Variants in SPMIP2 observed in about 807,000 individuals in gnomAD.
The protein encoded by SPMIP2 is sperm microtubule inner protein 2.
the SPMIP2 span, among the ~76,000 whole-genome samples, chr4:158,921,499 C>T: frequency 2.0e-5 from 3 of 151,862 alleles, no homozygotes; most frequent in Non-Finnish European, 2.9e-5. Context: ...TAGCACCTCC[C>T]ACTTCGCTCT....
chr4:158,928,593 G>T, the SPMIP2 span, among the ~76,000 whole-genome samples: 19 of 152,154 alleles, frequency 1.2e-4, no homozygotes, highest in African/African-American at 3.9e-4. Flanking sequence ...GCTCTACCAA[G>T]CAGCAGGATG....
the SPMIP2 span, among the ~76,000 whole-genome samples, chr4:159,062,169 T>C: frequency 3.9e-5 from 6 of 152,236 alleles, no homozygotes; most frequent in African/African-American, 1.2e-4. Context: ...TTATCCCCGA[T>C]TCCACTGTGA....
At chr4:158,896,855 ATTATTATACTT>A in the SPMIP2 span, among the ~76,000 whole-genome samples, 10 of 104,438 alleles carry the variant, frequency 9.6e-5, no homozygotes, top group African/African-American at 3.6e-4. Context: ...TTTTTTTATT[ATTATTATACTT>A]TTAAGTTCTG....
the SPMIP2 span, among the ~76,000 whole-genome samples, chr4:159,056,570 C>T: frequency 2.6e-5 from 4 of 152,176 alleles, no homozygotes; most frequent in African/African-American, 7.2e-5. Flanking sequence ...GCATGGACTT[C>T]ATTTCCAAAG....
At chr4:158,958,870 G>A in the SPMIP2 span, among the ~76,000 whole-genome samples, 1 of 152,184 alleles carries the variant, frequency 6.6e-6, no homozygotes, top group South Asian at 2.1e-4. Flanking sequence ...ATGAGTCCAG[G>A]AGGTTGTCAA....
chr4:159,081,038 C>CTT, the SPMIP2 span, among the ~76,000 whole-genome samples: 5 of 118,410 alleles, frequency 4.2e-5, no homozygotes, highest in Admixed American at 9.0e-5. Flanking sequence ...GTTTCTTTCT[C>CTT]TTTTTTTTTT....
At chr4:158,910,726 G>C in the SPMIP2 span, among the ~76,000 whole-genome samples, 7 of 152,216 alleles carry the variant, frequency 4.6e-5, no homozygotes, top group Admixed American at 3.9e-4. Context: ...AGAGAATTCT[G>C]CCTGAAAACT....
the SPMIP2 span, among the ~76,000 whole-genome samples, chr4:159,061,221 C>A: frequency 6.6e-6 from 1 of 151,708 alleles, no homozygotes; most frequent in Non-Finnish European, 1.5e-5. Context: ...GAAGTTTGGC[C>A]TCTATTGGAA....
chr4:158,960,513 C>T, the SPMIP2 span, among the ~76,000 whole-genome samples: 5 of 151,994 alleles, frequency 3.3e-5, no homozygotes, highest in African/African-American at 1.2e-4. Flanking sequence ...GATTCCTGAA[C>T]AGAGAGGAAA....
chr4:158,966,490 A>G, the SPMIP2 span, among the ~76,000 whole-genome samples: 1 of 152,232 alleles, frequency 6.6e-6, no homozygotes, highest in African/African-American at 2.4e-5. Flanking sequence ...AATATACTTA[A>G]CAGCCTAGCT....
chr4:158,935,543 T>C, the SPMIP2 span, among the ~76,000 whole-genome samples: 2 of 152,210 alleles, frequency 1.3e-5, no homozygotes, highest in East Asian at 3.8e-4. Flanking sequence ...CAGTCAATTG[T>C]GCTTGTTTCT....
the SPMIP2 span, among the ~76,000 whole-genome samples, chr4:158,990,565 T>C: frequency 0.018 from 2,686 of 152,226 alleles, 39 homozygotes; most frequent in Non-Finnish European, 0.027. Flanking sequence ...GCCATAAAGA[T>C]GAGGTCATGT....
chr4:158,986,163 T>C, the SPMIP2 span, among the ~76,000 whole-genome samples: 6 of 151,662 alleles, frequency 4.0e-5, no homozygotes, highest in South Asian at 2.1e-4. Flanking sequence ...GAACATTCCA[T>C]GCTCATGGGT....
chr4:158,963,694 G>A, the SPMIP2 span, among the ~76,000 whole-genome samples: 4 of 151,904 alleles, frequency 2.6e-5, no homozygotes, highest in African/African-American at 9.7e-5. Context: ...AAGGGATTTT[G>A]CAGATGTAAT....
At chr4:158,971,788 A>G in the SPMIP2 span, among the ~76,000 whole-genome samples, 3 of 152,330 alleles carry the variant, frequency 2.0e-5, no homozygotes, top group Non-Finnish European at 2.9e-5. Flanking sequence ...CCTAGAAAAA[A>G]TATCCTAGAA....
chr4:159,061,922 C>A, the SPMIP2 span, among the ~76,000 whole-genome samples: 1 of 151,928 alleles, frequency 6.6e-6, no homozygotes, highest in African/African-American at 2.4e-5. Context: ...GAGAGCATGG[C>A]AGTACTGAGT....
chr4:159,046,672 C>T, the SPMIP2 span, among the ~76,000 whole-genome samples: 1 of 152,126 alleles, frequency 6.6e-6, no homozygotes, highest in African/African-American at 2.4e-5. Flanking sequence ...TCCCTGGTTC[C>T]AGCGATTCTC....
chr4:159,065,582 G>C, the SPMIP2 span, among the ~76,000 whole-genome samples: 1 of 152,140 alleles, frequency 6.6e-6, no homozygotes, highest in Non-Finnish European at 1.5e-5. Context: ...GCCAGGCGTG[G>C]TGGCATGCAT....
chr4:159,058,332 C>G, the SPMIP2 span, among the ~76,000 whole-genome samples: 1 of 151,948 alleles, frequency 6.6e-6, no homozygotes, highest in Non-Finnish European at 1.5e-5. Flanking sequence ...AATATCAAAT[C>G]ACAATGTGCA....
Sources: allele counts gnomAD v4.1 joint callset (sites outside exome capture counted in the v4.1 genomes callset), GRCh38; gene constraint gnomAD v4.1.1; transcripts MANE v1.5; gene names NCBI Gene and HGNC (gene_info 2026-07-23, HGNC 2026-07-21).